The following FBXL18 variants were observed in gnomAD, a reference collection of about 807,000 sequenced individuals.
FBXL18 encodes F-box and leucine rich repeat protein 18, also known as F-box/LRR-repeat protein 18.
Under a neutral mutation model 46.0 loss-of-function variants are expected in FBXL18, and 36 were observed. The observed-to-expected ratio is 0.78, with a 90% CI of 0.60 to 1.03. FBXL18 has a LOEUF of 1.03. FBXL18 is among the 50% of genes least tolerant of loss of function. FBXL18 has a pLI of 0.00. For synonymous variants in FBXL18, 557 were observed against 465.3 expected (o/e 1.20, Z -2.54); for missense variants, 977 against 1,004.1 (o/e 0.97, Z 0.36).
rs1403711797 is a variant in FBXL18, at chr7:5,479,845, G to A, written c.*1930C>T. ...GCCTGGGGCTGGGAGAGGACCCGTGGGCTTCAGAGAGGAGGCGATGACCCC... is the reference window on the plus strand; with the variant it reads ...GCCTGGGGCTGGGAGAGGACCCGTGAGCTTCAGAGAGGAGGCGATGACCCC... On this transcript the variant is annotated 3_prime_UTR_variant, in exon 5 of 5. Transcript: ENST00000382368. The A allele has an allele frequency of 6.6e-6, 1 of 152,442 alleles. No homozygotes were observed. Among genetic ancestry groups the A allele is most frequent in the Non-Finnish European group, 1.5e-5 (1 of 68,212 alleles). The allele number at this position is 152,442 out of a possible 1,614,324, so 9.4% of individuals were successfully genotyped here.
intron 4 of FBXL18, among the ~76,000 whole-genome samples, chr7:5,462,567 T>C (rs1416927061): frequency 1.3e-5 from 2 of 152,142 alleles, no homozygotes; most frequent in Non-Finnish European, 2.9e-5. Flanking sequence ...TGAGAGACGA[T>C]GTTTTCACCT....
At chr7:5,475,187 T>C (rs749376504), downstream of FBXL18, among the ~76,000 whole-genome samples, 4 of 151,488 alleles carry the variant, frequency 2.6e-5, no homozygotes, top group Non-Finnish European at 4.4e-5. This position sits in a 1 kb window ranked among gnomAD's most constrained non-coding sequence, Gnocchi z 4.2. Context: ...CTGGGCGTGG[T>C]GGTGGGTGCC....
intron 4 of FBXL18, among the ~76,000 whole-genome samples, chr7:5,468,183 C>T (rs1242578121): frequency 6.6e-6 from 1 of 152,100 alleles, no homozygotes; most frequent in Non-Finnish European, 1.5e-5. Flanking sequence ...CGGGGTTTCA[C>T]CGTGTTAGCC....
At chr7:5,460,210 C>T (rs1783224863) in intron 4 of FBXL18, among the ~76,000 whole-genome samples, 1 of 152,056 alleles carries the variant, frequency 6.6e-6, no homozygotes, top group South Asian at 2.1e-4. Flanking sequence ...GCCAAGATCG[C>T]ACTTCAGCCT....
intron 4 of FBXL18, 82 bp downstream of exon 4, chr7:5,491,149 C>T (rs1356935275): frequency 3.1e-6 from 4 of 1,305,658 alleles, no homozygotes; most frequent in Non-Finnish European, 3.2e-6. Context: ...CTGGTAGGCA[C>T]TCGGTGAAGG....
intron 4 of FBXL18, among the ~76,000 whole-genome samples, chr7:5,463,742 T>TTTATTTTA (rs1783298853): frequency 1.4e-5 from 1 of 72,974 alleles, no homozygotes; most frequent in African/African-American, 5.0e-5. Context: ...TTTTTTTTTT[T>TTTATTTTA]TTTTTTTTTT....
At chr7:5,491,163 G>A (rs1584217241) in intron 4 of FBXL18, 68 bp downstream of exon 4, 17 of 1,412,250 alleles carry the variant, frequency 1.2e-5, no homozygotes, top group East Asian at 2.5e-5. Context: ...GTGAAGGCTG[G>A]GGACCAGGTC....
At chr7:5,508,883 CTA>C (rs1412791773) in intron 1 of FBXL18, among the ~76,000 whole-genome samples, 3 of 152,098 alleles carry the variant, frequency 2.0e-5, no homozygotes, top group African/African-American at 7.2e-5. Context: ...GGGCAAAACA[CTA>C]TTAAAAACTC....
intron 4 of FBXL18, among the ~76,000 whole-genome samples, chr7:5,456,028 CCTT>C (rs1783168202): frequency 6.6e-6 from 1 of 152,160 alleles, no homozygotes; most frequent in South Asian, 2.1e-4. Flanking sequence ...CCTCCGCAGT[CCTT>C]CTCAGCATCT....
intron 3 of FBXL18, among the ~76,000 whole-genome samples, chr7:5,492,687 C>T (rs1783961844): frequency 6.6e-6 from 1 of 152,086 alleles, no homozygotes; most frequent in Admixed American, 6.6e-5. Flanking sequence ...TGACTGGTTC[C>T]TTATAAGGCC....
intron 4 of FBXL18, among the ~76,000 whole-genome samples, chr7:5,458,336 G>A (rs1052847150): frequency 3.9e-5 from 6 of 152,198 alleles, no homozygotes; most frequent in East Asian, 1.9e-4. Context: ...AGGCCAAGGC[G>A]AGTGGATCGC....
intron 2 of FBXL18, among the ~76,000 whole-genome samples, chr7:5,504,971 A>C (rs926262897): frequency 4.0e-5 from 6 of 150,376 alleles, no homozygotes; most frequent in Non-Finnish European, 8.9e-5. Context: ...AACTTAAAAA[A>C]CTGACAGTAC....
chr7:5,454,809 G>C (rs1356827003), intron 4 of FBXL18, among the ~76,000 whole-genome samples: 1 of 152,192 alleles, frequency 6.6e-6, no homozygotes. Flanking sequence ...GGAGGAGAAG[G>C]CGTCCCCAGG....
chr7:5,461,003 T>C (rs917525098), intron 4 of FBXL18, among the ~76,000 whole-genome samples: 3 of 152,228 alleles, frequency 2.0e-5, no homozygotes, highest in Non-Finnish European at 4.4e-5. Flanking sequence ...AATCTTTTCC[T>C]TCCACGCACA....
At position 5,467,929 on chromosome 7, in the gene FBXL18, T is replaced by C. The variant is rs1413938252; in HGVS notation, c.2001-20086A>G. ...GATGGAGGAACCCAAGAGGCTGCAC[T>C]GCGTGTGTGAGCAGAAAAGCAGGAC... On this transcript the variant is annotated intron_variant and NMD_transcript_variant, in intron 4 of 6. Transcript: ENST00000415009. Among the ~76,000 whole-genome samples the C allele has an allele frequency of 2.6e-5, 4 of 151,760 alleles. No individual in the cohort carries two copies. In the South Asian group the frequency reaches 8.3e-4, roughly 32 times the overall value.
chr7:5,464,353 T>C (rs10265799), intron 4 of FBXL18, among the ~76,000 whole-genome samples: 109,089 of 151,744 alleles, frequency 0.72, 39,839 homozygotes, highest in East Asian at 0.9. Context: ...GTGGCGCACA[T>C]CTGTAATCCC....
chr7:5,471,719 A>AG (rs1233931853), downstream of FBXL18, among the ~76,000 whole-genome samples: 2 of 152,186 alleles, frequency 1.3e-5, no homozygotes, highest in Non-Finnish European at 2.9e-5. Context: ...GACAAAGGCC[A>AG]GGCGGCTTCA....
At chr7:5,494,773 G>A (rs1784029687) in intron 3 of FBXL18, among the ~76,000 whole-genome samples, 1 of 152,224 alleles carries the variant, frequency 6.6e-6, no homozygotes, top group African/African-American at 2.4e-5. Flanking sequence ...GGGCAAGGAC[G>A]GTGCCGTCGT....
In FBXL18 at chr7:5,486,093, AT is replaced by A. The variant is rs1370368662; in HGVS notation, c.2001-4163del. Among the ~76,000 whole-genome samples, 35 of 149,396 alleles carry A rather than the reference AT, an allele frequency of 2.3e-4. 1 individual carries two copies. The East Asian group carries it at 6.7e-3, about 28-fold the overall frequency. On this transcript the variant is annotated intron_variant, in intron 4 of 4. Coordinates refer to ENST00000382368, the MANE Select transcript of FBXL18 (RefSeq NM_024963.6). ...AATAAATAAATAAATAAATAAATAA[AT>A]AAATAAAAATTTAGCTGGGCGTGCT...
Sources: allele counts gnomAD v4.1 joint callset (sites outside exome capture counted in the v4.1 genomes callset), GRCh38; gene constraint gnomAD v4.1.1; non-coding constraint Gnocchi (gnomAD v3.1); transcripts MANE v1.5; gene names NCBI Gene and HGNC (gene_info 2026-07-23, HGNC 2026-07-21).